CCDC88C: variants seen among roughly 807,000 people sequenced by gnomAD.
The protein encoded by CCDC88C is coiled-coil and HOOK domain protein 88C.
CCDC88C carries 131 observed loss-of-function variants against 198.8 expected under a neutral mutation model. The ratio of observed to expected loss-of-function variants is 0.66; its 90% CI spans 0.57 to 0.76. The LOEUF is 0.76. Ranked by LOEUF, CCDC88C falls within the 30% of genes least tolerant of loss-of-function variation. The pLI is 0.00. For synonymous variants in CCDC88C, 1,166 were observed against 1,114.7 expected, an observed-to-expected ratio of 1.05 and a Z score of -0.92; for missense variants, 2,553 against 2,631.6, an observed-to-expected ratio of 0.97 and a Z score of 0.65.
chr14:91,415,805 TGCC>T (rs1887017388), intron 2 of CCDC88C, among the ~76,000 whole-genome samples: 1 of 152,170 alleles, frequency 6.6e-6, no homozygotes, highest in Non-Finnish European at 1.5e-5. Flanking sequence ...TTTCTGGATA[TGCC>T]AAAGCAAACT....
intron 2 of CCDC88C, among the ~76,000 whole-genome samples, chr14:91,413,265 G>C (rs1596177446): frequency 6.6e-6 from 1 of 152,156 alleles, no homozygotes; most frequent in East Asian, 1.9e-4. Context: ...CACAATGATA[G>C]ACATATGTTA....
intron 3 of CCDC88C, chr14:91,408,173 C>T (rs1284196039): frequency 6.1e-6 from 1 of 162,788 alleles, no homozygotes; most frequent in African/African-American, 2.4e-5. Flanking sequence ...CAGACGCTCC[C>T]TAAGCCCAGT....
intron 2 of CCDC88C, among the ~76,000 whole-genome samples, chr14:91,410,092 A>C (rs1886718598): frequency 6.6e-6 from 1 of 152,236 alleles, no homozygotes; most frequent in Non-Finnish European, 1.5e-5. Context: ...ATCTACATCA[A>C]GTGATGTATC....
At chr14:91,294,394 GAAGAAGGCCACTGCACA>G in intron 22 of CCDC88C, 76 bp from the exon 23 acceptor site, 1 of 1,529,106 alleles carries the variant, frequency 6.5e-7, no homozygotes, top group Non-Finnish European at 8.9e-7. Context: ...GCTCCCAAAG[GAAGAAGGCCACTGCACA>G]AAGATGTTCA....
In CCDC88C at chr14:91,325,915, C is replaced by T; in HGVS notation, c.1192G>A (p.Glu398Lys). The T allele has an allele frequency of 6.4e-7, 1 of 1,551,968 alleles. No individual in the cohort carries two copies. Among genetic ancestry groups the T allele is most frequent in the Non-Finnish European group, 8.7e-7 (1 of 1,147,086 alleles). ...AACAACACAGCCTGCAGTACCAATTCCAGGTCGTGAAGCTTGGATTTCAGC... is the reference window on the plus strand; with the variant it reads ...AACAACACAGCCTGCAGTACCAATTTCAGGTCGTGAAGCTTGGATTTCAGC... The part of the protein sequence containing the change: ...LQLKSKLHDL[E>K]LDRDTDKKRI... The change falls in exon 11 of 30, where the codon GAA becomes AAA. Residue 398 changes from glutamate (E) to lysine (K), a missense_variant. Transcript: ENST00000389857. This position sits in a 1 kb window ranked among gnomAD's most constrained non-coding sequence, Gnocchi z 4.1.
intron 13 of CCDC88C, among the ~76,000 whole-genome samples, chr14:91,320,508 C>CATCT (rs1464360169): frequency 6.6e-6 from 1 of 152,204 alleles, no homozygotes; most frequent in East Asian, 1.9e-4. Flanking sequence ...AATACTAAGC[C>CATCT]ATCTAGGCAA....
rs879166397 is a variant in CCDC88C, at chr14:91,306,930, A to G, written c.3195+108T>C. ...AAGACGTGTCCAACTAGATCTGGCT[A>G]AATCTCCTGTGTTCTTTACAGCAAT... On this transcript the variant is annotated intron_variant, in intron 18 of 29. Transcript: ENST00000389857. 15 of 1,230,040 alleles carry G rather than the reference A, an allele frequency of 1.2e-5. No homozygotes were observed. In the South Asian group the frequency reaches 2.2e-4, roughly 18 times the overall value. 76.2% of individuals were successfully genotyped at this position (1,230,040 alleles called of 1,614,324 possible). A position where few individuals can be genotyped will look rare whatever the true frequency, so the allele number is the denominator to read the frequency against.
intron 20 of CCDC88C, among the ~76,000 whole-genome samples, chr14:91,300,701 CCTCAAGGCTCTAATCTT>C (rs1891234827): frequency 2.0e-5 from 3 of 152,174 alleles, no homozygotes; most frequent in African/African-American, 2.4e-5. Flanking sequence ...TTCTCCTTAC[CCTCAAGGCTCTAATCTT>C]CTCCAGGCTC....
chr14:91,367,894 C>T (rs1567102382), intron 3 of CCDC88C, among the ~76,000 whole-genome samples: 1 of 152,246 alleles, frequency 6.6e-6, no homozygotes, highest in East Asian at 1.9e-4. Flanking sequence ...ACCCTACTCG[C>T]CCTCCAAAGC....
chr14:91,309,382 C>A (rs538878588), intron 16 of CCDC88C, among the ~76,000 whole-genome samples: 7 of 152,110 alleles, frequency 4.6e-5, no homozygotes, highest in African/African-American at 1.7e-4. Context: ...GTGGGCAGAT[C>A]GCTTTGAGCT....
chr14:91,318,164 G>T (rs1240883161), intron 13 of CCDC88C, among the ~76,000 whole-genome samples: 2 of 152,092 alleles, frequency 1.3e-5, no homozygotes, highest in Non-Finnish European at 2.9e-5. Context: ...TCACACCTGT[G>T]CTCCTAGCAC....
At chr14:91,373,326 C>A (rs1160094392) in intron 3 of CCDC88C, among the ~76,000 whole-genome samples, 2 of 152,082 alleles carry the variant, frequency 1.3e-5, no homozygotes, top group Non-Finnish European at 2.9e-5. Flanking sequence ...CAGGTCTGGC[C>A]CTGGGAGCAA....
intron 3 of CCDC88C, among the ~76,000 whole-genome samples, chr14:91,372,539 G>T (rs1205399672): frequency 1.1e-5 from 1 of 92,874 alleles, no homozygotes; most frequent in Non-Finnish European, 2.1e-5. Flanking sequence ...GGGGGGGGGC[G>T]GGCGGGGGGG....
intron 23 of CCDC88C, among the ~76,000 whole-genome samples, chr14:91,291,858 G>A (rs1024599434): frequency 1.3e-5 from 2 of 152,192 alleles, no homozygotes; most frequent in Admixed American, 1.3e-4. Context: ...AGGCACCTCT[G>A]CTTACCGGGG....
chr14:91,324,940 G>A lies in CCDC88C; in HGVS notation c.1198-17C>T. 1 of 1,613,058 alleles carries A rather than the reference G, an allele frequency of 6.2e-7. No homozygotes were observed. Among genetic ancestry groups the A allele is most frequent in the Non-Finnish European group, 8.5e-7 (1 of 1,179,882 alleles). Reference sequence around the variant, plus strand: ...GTCCCGGTCCTGGGGCAAGCAAGAAGAGGCAAGAAGTGAGGCTGCACAGCT... The same window carrying A: ...GTCCCGGTCCTGGGGCAAGCAAGAAAAGGCAAGAAGTGAGGCTGCACAGCT... On this transcript the variant is annotated splice_polypyrimidine_tract_variant and intron_variant, in intron 11 of 29. Coordinates refer to ENST00000389857, the MANE Select transcript of CCDC88C (RefSeq NM_001080414.4).
chr14:91,359,697 C>T lies in CCDC88C; in HGVS notation c.285G>A (p.Gln95=), dbSNP rs1401659951. 1.2e-6 allele frequency: 2 copies of T among 1,610,126 alleles called. No homozygotes were observed. The highest frequency in any genetic ancestry group is 2.2e-5 in the South Asian group (2 of 89,968). ...IKTYYQEVLQ[Q]LIVMNLPNVL... Reference sequence around the variant, plus strand: ...CATTGGGCAAATTCATTACAATCAGCTGCTGGAGAACTTCCTGCAGAAACA... The same window carrying T: ...CATTGGGCAAATTCATTACAATCAGTTGCTGGAGAACTTCCTGCAGAAACA... Residue 95 remains glutamine, a synonymous_variant, in exon 4 of 30, where the codon CAG becomes CAA. Coordinates refer to ENST00000389857, the MANE Select transcript of CCDC88C (RefSeq NM_001080414.4).
At chr14:91,293,530 C>G (rs1412568046) in intron 23 of CCDC88C, among the ~76,000 whole-genome samples, 501 of 17,166 alleles carry the variant, frequency 0.029, 28 homozygotes, top group African/African-American at 0.036. Flanking sequence ...GTCCCCTCAC[C>G]TGCCACGGCC....
chr14:91,338,132 G>A lies in CCDC88C; in HGVS notation c.923C>T (p.Ala308Val). The change falls in exon 10 of 30, where the codon GCT becomes GTT. Residue 308 changes from alanine (A) to valine (V), a missense_variant. By Grantham distance (64) the Ala-to-Val change is moderately conservative. Around this residue, in one of 2 missense-constraint regions of CCDC88C, gnomAD observed 1,260 missense variants for 1,412.0 expected, o/e 0.89. Transcript: ENST00000389857. The surrounding 1 kb of genome is among the most constrained non-coding windows in gnomAD (Gnocchi z 4.8). ...NIQLAADARS[A>V]RAYRDELDSL... ...ATCCAGCTCGTCTCGATAGGCACGAGCAGACCGGGCGTCTGCCGCTAGCTG... is the reference window on the plus strand; with the variant it reads ...ATCCAGCTCGTCTCGATAGGCACGAACAGACCGGGCGTCTGCCGCTAGCTG... The A allele has an allele frequency of 1.2e-6, 2 of 1,613,890 alleles. No individual in the cohort carries two copies. Among genetic ancestry groups the A allele is most frequent in the Non-Finnish European group, 1.7e-6 (2 of 1,179,896 alleles).
intron 17 of CCDC88C, 146 bp downstream of exon 17, chr14:91,308,205 T>A (rs2139791730): frequency 1.1e-6 from 1 of 886,104 alleles, no homozygotes; most frequent in Middle Eastern, 3.4e-4. Flanking sequence ...ATTCTGAGGG[T>A]GGCTCCCTCA....
Sources: allele counts gnomAD v4.1 joint callset (sites outside exome capture counted in the v4.1 genomes callset), GRCh38; gene constraint gnomAD v4.1.1; regional missense constraint gnomAD v4.1.1; non-coding constraint Gnocchi (gnomAD v3.1); transcripts MANE v1.5; gene names NCBI Gene and HGNC (gene_info 2026-07-23, HGNC 2026-07-21).